The following IL16 variants were observed in gnomAD, a reference collection of about 807,000 sequenced individuals.
IL16 encodes the protein interleukin 16, also known as pro-interleukin-16.
Under a neutral mutation model 110.1 loss-of-function variants are expected in IL16, and 67 were observed. The ratio of observed to expected loss-of-function variants is 0.61; its 90% confidence interval spans 0.50 to 0.75. The LOEUF (loss-of-function observed/expected upper bound fraction) is 0.75, where lower values mean the gene tolerates loss of function less well. IL16 is among the 30% of genes least tolerant of loss of function. The pLI is 0.00. For synonymous variants in IL16, 689 were observed against 662.9 expected, an observed-to-expected ratio of 1.04 and a Z score of -0.61; for missense variants, 1,545 against 1,655.0, an observed-to-expected ratio of 0.93 and a Z score of 1.15.
intron 13 of IL16, 142 bp downstream of exon 13, chr15:81,297,220 T>G (rs984705221): frequency 9.9e-6 from 8 of 808,246 alleles, no homozygotes; most frequent in Non-Finnish European, 1.3e-5. Flanking sequence ...CAGTCAAGGG[T>G]TCCAGGTGCT....
chr15:81,305,512 T>C (rs1900504046), intron 16 of IL16, among the ~76,000 whole-genome samples: 1 of 152,114 alleles, frequency 6.6e-6, no homozygotes, highest in African/African-American at 2.4e-5. Context: ...TTTTAAAAAA[T>C]AATAGGAAAA....
intron 6 of IL16, among the ~76,000 whole-genome samples, chr15:81,275,363 G>GGGGGAGGGGA (rs1165574007): frequency 1.1e-5 from 1 of 94,620 alleles, no homozygotes; most frequent in Non-Finnish European, 2.1e-5. Context: ...GGGAGGAGGG[G>GGGGGAGGGGA]GGGGAGGGGA....
chr15:81,283,214 C>T (rs1899272812), intron 9 of IL16, among the ~76,000 whole-genome samples: 1 of 152,190 alleles, frequency 6.6e-6, no homozygotes, highest in South Asian at 2.1e-4. Context: ...ACATTTGTAA[C>T]CCTGAGAAAT....
intron 1 of IL16, among the ~76,000 whole-genome samples, chr15:81,223,060 G>T (rs991467085): frequency 8.5e-5 from 13 of 152,160 alleles, no homozygotes; most frequent in African/African-American, 2.7e-4. Flanking sequence ...GTATTCTTCT[G>T]CCAATGGATC....
At chr15:81,234,312 G>A (rs920649130) in intron 2 of IL16, among the ~76,000 whole-genome samples, 1 of 151,934 alleles carries the variant, frequency 6.6e-6, no homozygotes, top group Non-Finnish European at 1.5e-5. Flanking sequence ...GTGTCTAATT[G>A]TCTCAAGTGT....
chr15:81,306,559 C>T lies in IL16; in HGVS notation c.3805+14C>T. ...GGATTTTCAAAGGTGTGGGGTGTGT[C>T]TGGTTCTTTGCGTGCTCTCCAGTTG... On this transcript the variant is annotated intron_variant, in intron 18 of 18. Transcript: ENST00000683961. The T allele has an allele frequency of 6.2e-7, 1 of 1,610,742 alleles. No homozygotes were observed. The highest frequency in any genetic ancestry group is 2.2e-5 in the East Asian group (1 of 44,888).
At chr15:81,250,102 C>T (rs1210037080) in intron 2 of IL16, among the ~76,000 whole-genome samples, 1 of 152,138 alleles carries the variant, frequency 6.6e-6, no homozygotes, top group Non-Finnish European at 1.5e-5. Context: ...TGTGTCTGCT[C>T]ACTCCATAAT....
chr15:81,197,739 C>CTT (rs142028575), intron 1 of IL16, among the ~76,000 whole-genome samples: 2,657 of 151,836 alleles, frequency 0.017, 79 homozygotes, highest in African/African-American at 0.062. Context: ...TTGTTTTTTT[C>CTT]TTTTTTGGTC....
Position 81,313,052 on chromosome 15 carries a change from T to C in IL16, c.*4254T>C, listed in dbSNP as rs1430498852. 2.2e-6 allele frequency: 1 copy of C among 464,342 alleles called. No homozygotes were observed. Among genetic ancestry groups the C allele is most frequent in the Non-Finnish European group, 3.6e-6 (1 of 278,378 alleles). The allele number at this position is 464,342 out of a possible 1,614,324, so 28.8% of individuals were successfully genotyped here. On this transcript the variant is annotated 3_prime_UTR_variant, in exon 19 of 19. Coordinates refer to ENST00000683961, the MANE Select transcript of IL16 (RefSeq NM_172217.5). ...ATGGAGTTTGGAACACATGAATGGC[T>C]CATCACACGCCAACCCTGAGTGGGG...
At chr15:81,305,700 G>C (rs1225167345) in intron 16 of IL16, 2 of 600,112 alleles carry the variant, frequency 3.3e-6, no homozygotes, top group Non-Finnish European at 5.8e-6. Flanking sequence ...GGCTTACCTG[G>C]TCATTACTGC....
Position 81,305,977 on chromosome 15 carries a change from T to C in IL16, c.3490T>C (p.Ser1164Pro). The C allele has an allele frequency of 6.2e-7, 1 of 1,614,186 alleles. No individual in the cohort carries two copies. Among genetic ancestry groups the C allele is most frequent in the Non-Finnish European group, 8.5e-7 (1 of 1,180,034 alleles). Residue 1164 changes from serine to proline, a missense_variant, in exon 17 of 19, where the codon TCC (serine) becomes CCC (proline). By Grantham distance (74) the Ser-to-Pro change is moderately conservative (BLOSUM62 -1). Around this residue, in one of 3 missense-constraint regions of IL16, gnomAD observed 356 missense variants for 399.3 expected, o/e 0.89. Transcript: ENST00000683961. Reference sequence around the variant, plus strand: ...TATTCAGAAGGGCAATGAGGTTCTTTCCATCAACGGCAAGTCTCTCAAGGG... The same window carrying C: ...TATTCAGAAGGGCAATGAGGTTCTTCCCATCAACGGCAAGTCTCTCAAGGG... ...GTIQKGNEVL[S>P]INGKSLKGTT...
intron 1 of IL16, among the ~76,000 whole-genome samples, chr15:81,208,477 C>T (rs1028206672): frequency 6.6e-6 from 1 of 152,154 alleles, no homozygotes; most frequent in Non-Finnish European, 1.5e-5. Context: ...CAGGTGCCCA[C>T]CACCATGCCC....
chr15:81,197,754 G>A (rs1895652410), intron 1 of IL16, among the ~76,000 whole-genome samples: 1 of 151,870 alleles, frequency 6.6e-6, no homozygotes, highest in Non-Finnish European at 1.5e-5. Flanking sequence ...TTGGTCCATA[G>A]CAAGTTTGCT....
At chr15:81,242,126 G>T (rs764690999) in intron 2 of IL16, among the ~76,000 whole-genome samples, 1 of 152,084 alleles carries the variant, frequency 6.6e-6, no homozygotes, top group South Asian at 2.1e-4. Context: ...ATATCACACA[G>T]TGCTGAATTC....
intron 2 of IL16, among the ~76,000 whole-genome samples, chr15:81,240,975 G>A (rs1897319207): frequency 6.6e-6 from 1 of 152,068 alleles, no homozygotes; most frequent in African/African-American, 2.4e-5. Flanking sequence ...ACCTGGAATT[G>A]ATGTCTGTGG....
intron 5 of IL16, among the ~76,000 whole-genome samples, chr15:81,270,435 G>T (rs566635039): frequency 5.3e-5 from 8 of 151,736 alleles, no homozygotes; most frequent in Non-Finnish European, 1.0e-4. Context: ...GTCTGTCCAG[G>T]GGGAGGGGCC....
chr15:81,205,406 A>G (rs1895981424), intron 1 of IL16, among the ~76,000 whole-genome samples: 1 of 152,176 alleles, frequency 6.6e-6, no homozygotes, highest in African/African-American at 2.4e-5. Context: ...CCTCTTGCAT[A>G]GGGAAGAGGC....
chr15:81,212,341 TA>T (rs1896279081), intron 1 of IL16, among the ~76,000 whole-genome samples: 3 of 152,170 alleles, frequency 2.0e-5, no homozygotes, highest in Admixed American at 6.5e-5. Flanking sequence ...GGATCAGTTA[TA>T]ATACCATCTT....
intron 1 of IL16, among the ~76,000 whole-genome samples, chr15:81,199,026 A>T (rs1261401534): frequency 2.1e-5 from 2 of 94,396 alleles, no homozygotes; most frequent in South Asian, 3.9e-4. Flanking sequence ...TCTCAAAAAA[A>T]AAAAATATAT....
Sources: allele counts gnomAD v4.1 joint callset (sites outside exome capture counted in the v4.1 genomes callset), GRCh38; gene constraint gnomAD v4.1.1; regional missense constraint gnomAD v4.1.1; transcripts MANE v1.5; gene names NCBI Gene and HGNC (gene_info 2026-07-23, HGNC 2026-07-21).